The following TEFM variants were observed in gnomAD, a reference collection of about 807,000 sequenced individuals.
TEFM encodes the protein transcription elongation factor, mitochondrial.
In TEFM, 14 loss-of-function variants were observed where a neutral mutation model predicts 23.0. The ratio of observed to expected loss-of-function variants is 0.61; its 90% confidence interval spans 0.40 to 0.95. The LOEUF is 0.95. TEFM is among the 40% of genes least tolerant of loss of function. TEFM has a pLI of 0.00. For synonymous variants in TEFM, 155 were observed against 158.3 expected (o/e 0.98, Z 0.16); for missense variants, 386 against 425.5 (o/e 0.91, Z 0.82).
Position 30,904,189 on chromosome 17 carries a change from T to C in TEFM, c.372A>G (p.Lys124=). The C allele has an allele frequency of 6.2e-7, 1 of 1,614,114 alleles. No homozygotes were observed. Among genetic ancestry groups the C allele is most frequent in the Middle Eastern group, 1.6e-4 (1 of 6,062 alleles). Residue 124 remains lysine, a synonymous_variant, in exon 2 of 4, where the codon AAA becomes AAG. Transcript: ENST00000581216. ...TGGAGTTACAAACTTGAACTGTACTTTTATACTTAAACAAGGGCACATTCA... is the reference window on the plus strand; with the variant it reads ...TGGAGTTACAAACTTGAACTGTACTCTTATACTTAAACAAGGGCACATTCA... ...SLMNVPLFKY[K]STVQVCNSIL...
chr17:30,905,694 C>T (rs1309473203), intron 1 of TEFM, among the ~76,000 whole-genome samples: 1 of 152,144 alleles, frequency 6.6e-6, no homozygotes, highest in Admixed American at 6.5e-5. Flanking sequence ...TTCTACATGA[C>T]GTTTTTGCAA....
Position 30,899,421 on chromosome 17 carries a change from ATTCATGCTCAGCACCT to A in TEFM, c.815_830del (p.Gln272LeufsTer11). The A allele has an allele frequency of 6.2e-7, 1 of 1,614,188 alleles. No homozygotes were observed. The highest frequency in any genetic ancestry group is 2.2e-5 in the East Asian group (1 of 44,882). Reference sequence around the variant, plus strand: ...CAAAATGCTTCCCCACTGCATTTCGATTCATGCTCAGCACCTGATGCTGCCCATCCTGGGCAAAAGT... The same window carrying A: ...CAAAATGCTTCCCCACTGCATTTCGAGATGCTGCCCATCCTGGGCAAAAGT... On this transcript the variant is annotated frameshift_variant, in exon 4 of 4. Coordinates refer to ENST00000581216, the MANE Select transcript of TEFM (RefSeq NM_024683.4). LOFTEE classifies it low-confidence loss of function (END_TRUNC).
Position 30,899,612 on chromosome 17 carries a change from TA to T in TEFM, c.646-7del. 1 of 1,479,012 alleles carries T rather than the reference TA, an allele frequency of 6.8e-7. No homozygotes were observed. Among genetic ancestry groups the T allele is most frequent in the South Asian group, 1.5e-5 (1 of 66,876 alleles). The allele number at this position is 1,479,012 out of a possible 1,614,324, so 91.6% of individuals were successfully genotyped here. ...TTTGAAATGATCGAGGAAATCTTTT[TA>T]AAAAAAGACAAAATAAAGGAACAGA... On this transcript the variant is annotated splice_polypyrimidine_tract_variant and splice_region_variant and intron_variant, in intron 3 of 3. Coordinates refer to ENST00000581216, the MANE Select transcript of TEFM (RefSeq NM_024683.4).
At position 30,899,607 on chromosome 17, in the gene TEFM, C is replaced by T. The variant is rs773047175; in HGVS notation, c.646-1G>A. On this transcript the variant is annotated splice_acceptor_variant, in intron 3 of 3. Coordinates refer to ENST00000581216, the MANE Select transcript of TEFM (RefSeq NM_024683.4). LOFTEE classifies it high-confidence loss of function. ...GCATCTTTGAAATGATCGAGGAAATCTTTTTAAAAAAAGACAAAATAAAGG... is the reference window on the plus strand; with the variant it reads ...GCATCTTTGAAATGATCGAGGAAATTTTTTTAAAAAAAGACAAAATAAAGG... The T allele has an allele frequency of 5.4e-6, 8 of 1,493,172 alleles. No homozygotes were observed. In the South Asian group the frequency reaches 1.1e-4, roughly 21 times the overall value. The allele number at this position is 1,493,172 out of a possible 1,614,324, so 92.5% of individuals were successfully genotyped here.
chr17:30,903,087 G>A (rs1453755415), intron 2 of TEFM, among the ~76,000 whole-genome samples: 3 of 132,502 alleles, frequency 2.3e-5, no homozygotes, highest in Non-Finnish European at 4.6e-5. Context: ...AGGTTGTTGT[G>A]AGATCATGCC....
chr17:30,901,063 C>T lies in TEFM; in HGVS notation c.496-501G>A, dbSNP rs190049900. On this transcript the variant is annotated intron_variant, in intron 2 of 3. Transcript: ENST00000581216. Reference sequence around the variant, plus strand: ...TTTGAGATGGAGTCTCGTTCTGTCACCCAGGCTAGAGTGCAGTGGCGCAAT... The same window carrying T: ...TTTGAGATGGAGTCTCGTTCTGTCATCCAGGCTAGAGTGCAGTGGCGCAAT... Among the ~76,000 whole-genome samples, 32 of 152,238 alleles carry T rather than the reference C, an allele frequency of 2.1e-4. No individual in the cohort carries two copies. The East Asian group carries it at 4.6e-3, about 22-fold the overall frequency.
chr17:30,899,847 A>G, intron 3 of TEFM: 2 of 328,766 alleles, frequency 6.1e-6, no homozygotes, highest in Non-Finnish European at 1.1e-5. Flanking sequence ...TGATCTGTAC[A>G]GTGGACTTCA....
chr17:30,903,515 C>T (rs1187664777), intron 2 of TEFM, among the ~76,000 whole-genome samples: 2 of 137,154 alleles, frequency 1.5e-5, no homozygotes, highest in African/African-American at 6.2e-5. Flanking sequence ...GTGAGCCAGC[C>T]GCTTTTTTTT....
chr17:30,903,312 T>G (rs536563186), intron 2 of TEFM, among the ~76,000 whole-genome samples: 1 of 145,208 alleles, frequency 6.9e-6, no homozygotes, highest in Admixed American at 7.1e-5. Flanking sequence ...CTGCAACCTC[T>G]GCCTCCCAGG....
intron 1 of TEFM, among the ~76,000 whole-genome samples, chr17:30,905,561 C>G (rs1910151876): frequency 6.6e-6 from 1 of 150,670 alleles, no homozygotes; most frequent in Admixed American, 6.6e-5. Context: ...CTTCCATTTT[C>G]ACATTTTAGT....
At position 30,899,237 on chromosome 17, in the gene TEFM, C is replaced by A. The variant is rs372508835; in HGVS notation, c.1015G>T (p.Glu339Ter). The A allele has an allele frequency of 6.2e-7, 1 of 1,613,978 alleles. No individual in the cohort carries two copies. The highest frequency in any genetic ancestry group is 1.1e-5 in the South Asian group (1 of 91,070). The change falls in exon 4 of 4, where the codon GAG (glutamate) becomes TAG (stop). Residue 339 changes from glutamate (E) to a stop codon, truncating the protein, a stop_gained. Transcript: ENST00000581216. LOFTEE classifies it high-confidence loss of function. The stretch of plus-strand genomic sequence containing the variant: ...GCTTGTAATAATGAATCATAAAGCT[C>A]TTCTACTCTTTGTAGTTCAGTAGAT... ...FLSTELQRVE[E>*]LYDSLLQAIA...
chr17:30,900,390 A>ATC, intron 3 of TEFM, 23 bp downstream of exon 3: 3 of 1,612,024 alleles, frequency 1.9e-6, no homozygotes, highest in Non-Finnish European at 1.7e-6. Context: ...GCAGGTAGGA[A>ATC]TCTGGAGGTG....
intron 2 of TEFM, among the ~76,000 whole-genome samples, chr17:30,900,763 G>A (rs1009309075): frequency 8.6e-5 from 12 of 139,598 alleles, no homozygotes; most frequent in African/African-American, 2.1e-4. Flanking sequence ...CACCACGCCC[G>A]GCTAATTTTT....
At position 30,904,430 on chromosome 17, in the gene TEFM, G is replaced by A. The variant is rs749595411; in HGVS notation, c.131C>T (p.Thr44Ile). The change falls in exon 2 of 4, where the codon ACT becomes ATT. Residue 44 changes from threonine to isoleucine, a missense_variant. Thr to Ile is a moderately conservative substitution (Grantham distance 89). Transcript: ENST00000581216. ...RKKSTTPKKI[T>I]PNVTFCDENA... ...TTCATCACAAAAAGTAACATTGGGA[G>A]TAATTTTCTTAGGTGTAGTGGATTT... 2.5e-6 allele frequency: 4 copies of A among 1,614,024 alleles called. No homozygotes were observed. Among genetic ancestry groups the A allele is most frequent in the Non-Finnish European group, 2.5e-6 (3 of 1,180,026 alleles).
rs758683589 is a variant in TEFM at position 30,904,388 on chromosome 17, T to G, written c.173A>C (p.Glu58Ala). The change falls in exon 2 of 4, where the codon GAA (glutamate) becomes GCA (alanine). Residue 58 changes from glutamate to alanine, a missense_variant. Physicochemically the swap from Glu to Ala is moderately radical, Grantham distance 107 (BLOSUM62 -1). Transcript: ENST00000581216. The stretch of plus-strand genomic sequence containing the variant: ...AGAGAAGAGCTTGTCAAGTGCATTT[T>G]CGGGCTCCTTTGCATTTTCATCACA... ...TFCDENAKEPENALDKLFSSE... is the reference protein window; with the variant it reads ...TFCDENAKEPANALDKLFSSE... 6.2e-7 allele frequency: 1 copy of G among 1,614,228 alleles called. No individual in the cohort carries two copies. The highest frequency in any genetic ancestry group is 8.5e-7 in the Non-Finnish European group (1 of 1,180,044).
Position 30,899,176 on chromosome 17 carries a change from T to G in TEFM, c.1076A>C (p.Gln359Pro). ...CACGTTAACCTCAGAATTCTAAGGC[T>G]GAGAGTCAAACACTGCTAATTCATA... The part of the protein sequence containing the change: ...AFYELAVFDS[Q>P]P Residue 359 changes from glutamine to proline, a missense_variant, in exon 4 of 4, where the codon CAG becomes CCG. Gln to Pro is a moderately conservative substitution (Grantham distance 76). Coordinates refer to ENST00000581216, the MANE Select transcript of TEFM (RefSeq NM_024683.4). 6.3e-7 allele frequency: 1 copy of G among 1,583,514 alleles called. No individual in the cohort carries two copies. Among genetic ancestry groups the G allele is most frequent in the Non-Finnish European group, 8.6e-7 (1 of 1,162,554 alleles).
In TEFM at chr17:30,900,431, T is replaced by C. The variant is rs1049473130; in HGVS notation, c.627A>G (p.Ser209=). ...GCCTTACCTCTTCTAAATAGACTGA[T>C]GATGAGTATATTCCTCTCATTAAAC... ...RWSLMRGIYS[S]SVYLEEISSI... is the part of the protein sequence containing the mutation. Residue 209 remains serine, a synonymous_variant, in exon 3 of 4, where the codon TCA becomes TCG. Transcript: ENST00000581216. 5 of 1,614,020 alleles carry C rather than the reference T, an allele frequency of 3.1e-6. No homozygotes were observed. The African/African-American group carries it at 5.3e-5, about 17-fold the overall frequency.
In TEFM at chr17:30,899,619, A is replaced by G; in HGVS notation, c.646-13T>C. ...TGATCGAGGAAATCTTTTTAAAAAA[A>G]GACAAAATAAAGGAACAGAAATAAT... On this transcript the variant is annotated splice_polypyrimidine_tract_variant and intron_variant, in intron 3 of 3. Transcript: ENST00000581216. 6.7e-7 allele frequency: 1 copy of G among 1,482,486 alleles called. No individual in the cohort carries two copies. Among genetic ancestry groups the G allele is most frequent in the Non-Finnish European group, 9.0e-7 (1 of 1,111,228 alleles). 91.8% of individuals were successfully genotyped at this position (1,482,486 alleles called of 1,614,324 possible). A position where few individuals can be genotyped will look rare whatever the true frequency, so the allele number is the denominator to read the frequency against.
intron 3 of TEFM, 73 bp from the exon 4 acceptor site, chr17:30,899,679 C>A: frequency 1.0e-6 from 1 of 1,004,126 alleles, no homozygotes; most frequent in Admixed American, 3.0e-5. Context: ...CTCTCTGTCC[C>A]ACTTCTATTT....
Sources: allele counts gnomAD v4.1 joint callset (sites outside exome capture counted in the v4.1 genomes callset), GRCh38; gene constraint gnomAD v4.1.1; transcripts MANE v1.5; gene names NCBI Gene and HGNC (gene_info 2026-07-23, HGNC 2026-07-21).